UNC13A: variants seen among roughly 807,000 people sequenced by gnomAD.
UNC13A encodes the protein unc-13 homolog A, also known as protein unc-13 homolog A.
A neutral mutation model predicts 219.7 loss-of-function variants in UNC13A; 61 were observed. The ratio of observed to expected loss-of-function variants is 0.28; its 90% confidence interval spans 0.23 to 0.34. UNC13A has a LOEUF of 0.34. Among genes scored for constraint, UNC13A ranks in the 10% least tolerant of loss-of-function variants. UNC13A has a pLI of 1.00. For missense variants in UNC13A, 1,476 were observed against 2,270.3 expected (o/e 0.65, Z 7.11); for synonymous variants, 920 against 884.6 (o/e 1.04, Z -0.71).
chr19:17,630,057 C>T, intron 30 of UNC13A, 88 bp downstream of exon 30: 1 of 1,430,348 alleles, frequency 7.0e-7, no homozygotes, highest in Non-Finnish European at 9.4e-7. Flanking sequence ...CCAACCTCAA[C>T]CTCAACCTTA....
intron 40 of UNC13A, 121 bp downstream of exon 40, chr19:17,618,300 C>T (rs1040397316): frequency 1.7e-5 from 18 of 1,085,068 alleles, no homozygotes; most frequent in Middle Eastern, 5.0e-4. Flanking sequence ...GACAGGGGAA[C>T]GAGGGAGTGT....
chr19:17,631,608 G>A (rs1248551911), intron 28 of UNC13A, among the ~76,000 whole-genome samples: 1 of 152,054 alleles, frequency 6.6e-6, no homozygotes, highest in Non-Finnish European at 1.5e-5. Context: ...CAATTCTCAG[G>A]AACCGGCGGC....
At chr19:17,675,815 G>C (rs1232290267) in intron 2 of UNC13A, among the ~76,000 whole-genome samples, 197 bp downstream of exon 2, 2 of 152,058 alleles carry the variant, frequency 1.3e-5, no homozygotes, top group Non-Finnish European at 2.9e-5. Flanking sequence ...GGGGAGACCC[G>C]GGGACCCCCA....
chr19:17,666,607 A>T, intron 7 of UNC13A, 43 bp downstream of exon 7: 1 of 1,412,248 alleles, frequency 7.1e-7, no homozygotes, highest in South Asian at 1.7e-5. Flanking sequence ...GGGAGGGATG[A>T]GGATTTCAGC....
At position 17,630,553 on chromosome 19, in the gene UNC13A, C is replaced by T. The variant is rs145602596; in HGVS notation, c.3525+101G>A. ...AAAACCATGAGCAAGACAAAGATGG[C>T]GGACACCTACCAGAGACTGGCCTCA... On this transcript the variant is annotated intron_variant, in intron 29 of 43. Coordinates refer to ENST00000519716, the MANE Select transcript of UNC13A (RefSeq NM_001080421.3). 1,568 of 1,292,286 alleles carry T rather than the reference C, an allele frequency of 1.2e-3. 4 individuals are homozygous for T. Among genetic ancestry groups the T allele is most frequent in the Middle Eastern group, 0.011 (61 of 5,464 alleles). 80.1% of individuals were successfully genotyped at this position (1,292,286 alleles called of 1,614,324 possible).
chr19:17,646,882 G>C (rs1461923090), intron 17 of UNC13A, among the ~76,000 whole-genome samples: 1 of 150,008 alleles, frequency 6.7e-6, no homozygotes, highest in Non-Finnish European at 1.5e-5. Context: ...AGTGGCCCCA[G>C]GATGGGCTGA....
chr19:17,682,061 T>C (rs1278259083), intron 1 of UNC13A, among the ~76,000 whole-genome samples: 1 of 151,628 alleles, frequency 6.6e-6, no homozygotes, highest in African/African-American at 2.4e-5. Flanking sequence ...TAAGCGATTC[T>C]CGTGCCTCAG....
At chr19:17,655,209 G>A in intron 11 of UNC13A, 65 bp downstream of exon 11, 2 of 1,353,956 alleles carry the variant, frequency 1.5e-6, no homozygotes, top group Middle Eastern at 2.1e-4. Flanking sequence ...CAAAACATGT[G>A]TGGGCCTGCC....
chr19:17,631,933 C>T (rs184036650), intron 28 of UNC13A, among the ~76,000 whole-genome samples: 11 of 152,034 alleles, frequency 7.2e-5, no homozygotes, highest in African/African-American at 2.7e-4. Context: ...GTTTTTGAGA[C>T]GGAGTCTCAC....
chr19:17,659,444 AAAAAT>A (rs1230281592), intron 8 of UNC13A, among the ~76,000 whole-genome samples: 1 of 151,818 alleles, frequency 6.6e-6, no homozygotes, highest in Admixed American at 6.6e-5. Flanking sequence ...CCTGTCTCCA[AAAAAT>A]AAAATAAAAT....
intron 15 of UNC13A, 45 bp from the exon 16 acceptor site, chr19:17,648,695 G>T (rs748319019): frequency 1.3e-6 from 2 of 1,579,774 alleles, no homozygotes; most frequent in South Asian, 2.3e-5. Flanking sequence ...CTAACCTGGC[G>T]CTGTCCCTGT....
chr19:17,654,853 C>G (rs2079419389), intron 11 of UNC13A, among the ~76,000 whole-genome samples: 2 of 152,310 alleles, frequency 1.3e-5, no homozygotes, highest in Admixed American at 6.5e-5. Flanking sequence ...CCCTAGTTTT[C>G]TCTCCTCCCT....
At position 17,672,290 on chromosome 19, in the gene UNC13A, G is replaced by C; in HGVS notation, c.270+88C>G. The C allele has an allele frequency of 6.7e-6, 7 of 1,043,430 alleles. No homozygotes were observed. In the South Asian group the frequency reaches 9.4e-5, roughly 14 times the overall value. 64.6% of individuals were successfully genotyped at this position (1,043,430 alleles called of 1,614,324 possible). On this transcript the variant is annotated intron_variant, in intron 4 of 43. Coordinates refer to ENST00000519716, the MANE Select transcript of UNC13A (RefSeq NM_001080421.3). ...ACATTGATGTTGTCAGGGGATAGGA[G>C]ATAAATGCCCATCTTGTTTAGTCCA... is the stretch of plus-strand genomic sequence containing the variant.
intron 3 of UNC13A, among the ~76,000 whole-genome samples, chr19:17,673,648 G>A (rs2079838911): frequency 6.7e-6 from 1 of 150,150 alleles, no homozygotes; most frequent in South Asian, 2.1e-4. Context: ...AGCCGAGATT[G>A]CACCACTACA....
At chr19:17,608,396 TTA>T (rs1392296434) in intron 43 of UNC13A, among the ~76,000 whole-genome samples, 1 of 130,956 alleles carries the variant, frequency 7.6e-6, no homozygotes, top group African/African-American at 2.9e-5. Context: ...ATATATATAT[TTA>T]TATATAATAT....
rs568056272 is a variant in UNC13A at position 17,668,282 on chromosome 19, G to A, written c.395-92C>T. Reference sequence around the variant, plus strand: ...CCTACTGAGCTCCACCCGGGCCCTGGCTTCTGGGGTCTTTGGCAAAGCCTC... The same window carrying A: ...CCTACTGAGCTCCACCCGGGCCCTGACTTCTGGGGTCTTTGGCAAAGCCTC... On this transcript the variant is annotated intron_variant, in intron 5 of 43. Transcript: ENST00000519716. 124 of 1,262,410 alleles carry A rather than the reference G, an allele frequency of 9.8e-5. 1 individual carries two copies. The African/African-American group carries it at 1.6e-3, about 16-fold the overall frequency. 78.2% of individuals were successfully genotyped at this position (1,262,410 alleles called of 1,614,324 possible). A position where few individuals can be genotyped will look rare whatever the true frequency, so the allele number is the denominator to read the frequency against.
intron 35 of UNC13A, 91 bp downstream of exon 35, chr19:17,624,738 T>C (rs2076764518): frequency 3.3e-6 from 5 of 1,492,908 alleles, no homozygotes; most frequent in Non-Finnish European, 4.5e-6. Flanking sequence ...GATGCCTTTG[T>C]TCTTACCCCC....
intron 7 of UNC13A, 97 bp downstream of exon 7, chr19:17,666,553 T>C: frequency 2.1e-6 from 2 of 935,120 alleles, no homozygotes; most frequent in South Asian, 3.1e-5. Context: ...AGGACTTGTA[T>C]CTCCGGACTG....
intron 41 of UNC13A, 83 bp from the exon 42 acceptor site, chr19:17,611,938 C>T: frequency 8.1e-7 from 1 of 1,233,920 alleles, no homozygotes. Flanking sequence ...CTCCCACCCA[C>T]CTGTGCTGGC....
Sources: allele counts gnomAD v4.1 joint callset (sites outside exome capture counted in the v4.1 genomes callset), GRCh38; gene constraint gnomAD v4.1.1; transcripts MANE v1.5; gene names NCBI Gene and HGNC (gene_info 2026-07-23, HGNC 2026-07-21).